Variants in SERGEF observed in about 807,000 individuals in gnomAD.
SERGEF encodes the protein secretion-regulating guanine nucleotide exchange factor.
SERGEF carries 51 observed loss-of-function variants against 50.0 expected under a neutral mutation model. That is an observed-to-expected ratio of 1.02 (90% CI 0.81 to 1.29). The LOEUF is 1.29. SERGEF is among the 50% of genes most tolerant of loss of function. SERGEF has a pLI of 0.00. For missense variants in SERGEF, 521 were observed against 557.0 expected (o/e 0.94, Z 0.65); for synonymous variants, 205 against 212.4 (o/e 0.97, Z 0.30).
chr11:17,980,952 C>T (rs1853484735), intron 8 of SERGEF, among the ~76,000 whole-genome samples: 1 of 152,118 alleles, frequency 6.6e-6, no homozygotes, highest in South Asian at 2.1e-4. Context: ...AGAAAGGGAC[C>T]AGAGAGTTTA....
chr11:17,983,745 G>GGA (rs1555019664), intron 8 of SERGEF, among the ~76,000 whole-genome samples: 4 of 140,866 alleles, frequency 2.8e-5, no homozygotes, highest in Non-Finnish European at 6.1e-5. Flanking sequence ...TATGAGAACA[G>GGA]AAAAAAAAAA....
chr11:17,915,127 A>G (rs974725123), intron 9 of SERGEF, among the ~76,000 whole-genome samples: 1 of 151,928 alleles, frequency 6.6e-6, no homozygotes, highest in African/African-American at 2.4e-5. Context: ...TAGGTGCTCA[A>G]TAAGTAGATG....
chr11:17,900,885 G>A (rs553325669), intron 9 of SERGEF, among the ~76,000 whole-genome samples: 2 of 152,306 alleles, frequency 1.3e-5, no homozygotes, highest in East Asian at 3.9e-4. Flanking sequence ...CCAAAAGTTT[G>A]CTTAATAAAG....
At chr11:17,890,920 TA>T (rs2133910511) in intron 9 of SERGEF, among the ~76,000 whole-genome samples, 1 of 152,142 alleles carries the variant, frequency 6.6e-6, no homozygotes, top group South Asian at 2.1e-4. Flanking sequence ...TGGCTAAATA[TA>T]AGACAATTTG....
At chr11:17,866,594 T>C (rs1851029393) in intron 10 of SERGEF, among the ~76,000 whole-genome samples, 2 of 152,144 alleles carry the variant, frequency 1.3e-5, no homozygotes, top group South Asian at 4.1e-4. Flanking sequence ...AACCTCCGCC[T>C]CCCTGGTTCA....
At chr11:17,837,286 GAATA>G (rs1850417215) in intron 10 of SERGEF, among the ~76,000 whole-genome samples, 1 of 152,018 alleles carries the variant, frequency 6.6e-6, no homozygotes, top group Non-Finnish European at 1.5e-5. Flanking sequence ...ATAAATAAAT[GAATA>G]TTTATTGAAA....
At chr11:17,934,251 A>AT (rs755197916) in intron 9 of SERGEF, among the ~76,000 whole-genome samples, 44 of 152,194 alleles carry the variant, frequency 2.9e-4, no homozygotes, top group Admixed American at 7.9e-4. Context: ...GTAATATAAT[A>AT]CATGGTAAAT....
intron 1 of SERGEF, chr11:18,012,668 A>C: frequency 1.4e-5 from 16 of 1,158,306 alleles, no homozygotes; most frequent in Admixed American, 3.5e-5. Context: ...CTCTCGCGGA[A>C]CCAGACGCTC....
At chr11:17,850,516 T>C (rs545573468) in intron 10 of SERGEF, among the ~76,000 whole-genome samples, 7 of 152,330 alleles carry the variant, frequency 4.6e-5, no homozygotes, top group African/African-American at 1.4e-4. Flanking sequence ...ATTCTGGTGA[T>C]AAATGGACAT....
rs375854568 is a variant in SERGEF, at chr11:18,006,721, G to A, written c.222C>T (p.Gly74=). 4 of 1,614,124 alleles carry A rather than the reference G, an allele frequency of 2.5e-6. No homozygotes were observed. In the African/African-American group the frequency reaches 4.0e-5, roughly 16 times the overall value. Residue 74 remains glycine (G), a synonymous_variant, in exon 3 of 11, where the codon GGC becomes GGT. Transcript: ENST00000265965. The stretch of plus-strand genomic sequence containing the variant: ...GCCCCAGTTGCCCATCTTTGTTCAG[G>A]CCACAAACAAAGAGGTCTCCTCCAT... ...VTDGGDLFVC[G]LNKDGQLGLG... is the part of the protein sequence containing the mutation.
intron 10 of SERGEF, among the ~76,000 whole-genome samples, chr11:17,842,495 T>C (rs1260069558): frequency 6.6e-6 from 1 of 152,216 alleles, no homozygotes; most frequent in Non-Finnish European, 1.5e-5. Flanking sequence ...GCATCCGGTA[T>C]TCAGTTAATC....
At chr11:17,921,529 C>T (rs1852155170) in intron 9 of SERGEF, among the ~76,000 whole-genome samples, 1 of 152,216 alleles carries the variant, frequency 6.6e-6, no homozygotes, top group Non-Finnish European at 1.5e-5. Flanking sequence ...TTTGTTCATA[C>T]ATTCCATGAT....
intron 10 of SERGEF, among the ~76,000 whole-genome samples, chr11:17,807,459 C>G (rs553806361): frequency 5.6e-4 from 86 of 152,344 alleles, no homozygotes; most frequent in East Asian, 3.9e-3. Context: ...CACCTGGTCC[C>G]TTTACTGATA....
chr11:17,937,958 A>T (rs1228044500), intron 9 of SERGEF, among the ~76,000 whole-genome samples: 1 of 152,186 alleles, frequency 6.6e-6, no homozygotes, highest in Non-Finnish European at 1.5e-5. Context: ...GGATAAAGCA[A>T]GTAGTCAGTG....
intron 8 of SERGEF, among the ~76,000 whole-genome samples, chr11:17,961,077 C>A (rs954262231): frequency 6.6e-6 from 1 of 152,152 alleles, no homozygotes; most frequent in Non-Finnish European, 1.5e-5. Flanking sequence ...GAAAGTCACC[C>A]TCCTGTGAGC....
rs766821778 is a variant in SERGEF at position 17,878,208 on chromosome 11, C to T, written c.1048G>A (p.Gly350Ser). Reference protein sequence around the residue: ...CGSEHNLAIIGGVCYSWGWNE... With the variant: ...CGSEHNLAIISGVCYSWGWNE... ...AGTTATCAGTATAAAAATTACTTAC[C>T]AATTATTGCCAAATTATGCTCTGAG... Residue 350 changes from glycine to serine, a missense_variant and splice_region_variant, in exon 10 of 11, where the codon GGT becomes AGT. Gly to Ser is a moderately conservative substitution (Grantham distance 56). Transcript: ENST00000265965. 2 of 1,575,252 alleles carry T rather than the reference C, an allele frequency of 1.3e-6. No individual in the cohort carries two copies. Among genetic ancestry groups the T allele is most frequent in the Admixed American group, 3.5e-5 (2 of 57,710 alleles).
chr11:17,840,384 A>G (rs2133861881), intron 10 of SERGEF, among the ~76,000 whole-genome samples: 1 of 152,248 alleles, frequency 6.6e-6, no homozygotes, highest in South Asian at 2.1e-4. Flanking sequence ...ATCCTATCAC[A>G]TGGTGCCAGG....
At chr11:17,971,205 A>G (rs1249918572) in intron 8 of SERGEF, among the ~76,000 whole-genome samples, 1 of 152,202 alleles carries the variant, frequency 6.6e-6, no homozygotes, top group African/African-American at 2.4e-5. Flanking sequence ...AAAAAAGAAA[A>G]GAAAGAAAAG....
intron 9 of SERGEF, among the ~76,000 whole-genome samples, chr11:17,915,367 A>C (rs1852030397): frequency 6.6e-6 from 1 of 152,214 alleles, no homozygotes; most frequent in South Asian, 2.1e-4. Context: ...TCCTGAGATT[A>C]CTGAGCTCAA....
Sources: gnomAD v4.1 joint callset for allele counts (sites outside exome capture counted in the v4.1 genomes callset) on GRCh38, gnomAD v4.1.1 for gene constraint, MANE v1.5 for transcripts, NCBI Gene and HGNC (gene_info 2026-07-23, HGNC 2026-07-21) for gene names.